The following CCDC198 variants were observed in gnomAD, a reference collection of about 807,000 sequenced individuals.
CCDC198 encodes coiled-coil domain containing 198, also known as factor associated with metabolism and energy.
A neutral mutation model predicts 35.6 loss-of-function variants in CCDC198; 18 were observed. The ratio of observed to expected loss-of-function variants is 0.51; its 90% CI spans 0.35 to 0.75. The LOEUF (loss-of-function observed/expected upper bound fraction) is 0.75. CCDC198 is among the 30% of genes least tolerant of loss of function. CCDC198 has a pLI of 0.01. For synonymous variants in CCDC198, 119 were observed against 113.4 expected (o/e 1.05, Z -0.31); for missense variants, 365 against 343.7 (o/e 1.06, Z -0.49).
chr14:57,472,686 AAG>A (rs1371189818), intron 5 of CCDC198, among the ~76,000 whole-genome samples: 4 of 152,198 alleles, frequency 2.6e-5, no homozygotes, highest in African/African-American at 9.7e-5. Context: ...TTTTTATTAA[AAG>A]AGACAATTTA....
In CCDC198 at chr14:57,477,246, A is replaced by C. The variant is rs554949091; in HGVS notation, c.655+3349T>G. Among the ~76,000 whole-genome samples the C allele has an allele frequency of 5.3e-5, 8 of 152,362 alleles. 1 individual carries two copies. The highest frequency in any genetic ancestry group is 1.9e-4 in the African/African-American group (8 of 41,586). On this transcript the variant is annotated intron_variant, in intron 5 of 5. Coordinates refer to ENST00000216445, the MANE Select transcript of CCDC198 (RefSeq NM_018168.4). ...GGCTGCACAGTGAACACTGCAGCAC[A>C]GAACAGAATGATATCCTTTGGAGGC... is the stretch of plus-strand genomic sequence containing the variant.
At chr14:57,485,260 G>A (rs1008699719) in intron 2 of CCDC198, among the ~76,000 whole-genome samples, 1 of 152,138 alleles carries the variant, frequency 6.6e-6, no homozygotes, top group East Asian at 1.9e-4. Flanking sequence ...TCATGGGCAA[G>A]GTCAGGAGTG....
At chr14:57,475,027 C>A (rs957508143) in intron 5 of CCDC198, among the ~76,000 whole-genome samples, 1 of 152,160 alleles carries the variant, frequency 6.6e-6, no homozygotes, top group Admixed American at 6.5e-5. Context: ...TTTGGGAGGC[C>A]GAGGCGGGCG....
intron 1 of CCDC198, among the ~76,000 whole-genome samples, chr14:57,492,424 A>T (rs1352779733): frequency 6.6e-6 from 1 of 152,046 alleles, no homozygotes; most frequent in Non-Finnish European, 1.5e-5. Flanking sequence ...GGTTTGGATA[A>T]AAAGGGAATT....
intron 3 of CCDC198, 27 bp downstream of exon 3, chr14:57,483,038 C>T: frequency 5.0e-6 from 8 of 1,613,858 alleles, no homozygotes; most frequent in South Asian, 2.2e-5. Flanking sequence ...CAGTTCACCT[C>T]CCTGTCAGGT....
chr14:57,474,984 G>A (rs1002233927), intron 5 of CCDC198, among the ~76,000 whole-genome samples: 4 of 152,146 alleles, frequency 2.6e-5, no homozygotes, highest in Non-Finnish European at 5.9e-5. Context: ...AAAACAGGCT[G>A]GGCACAGTGG....
At chr14:57,478,367 G>T (rs1446477288) in intron 5 of CCDC198, 1 of 737,660 alleles carries the variant, frequency 1.4e-6, no homozygotes, top group African/African-American at 1.9e-5. Flanking sequence ...GGGGCGAATA[G>T]TAGCTCCTAC....
chr14:57,491,066 T>C lies in CCDC198; in HGVS notation c.229A>G (p.Arg77Gly), dbSNP rs1422314071. 9 of 1,610,852 alleles carry C rather than the reference T, an allele frequency of 5.6e-6. No homozygotes were observed. The highest frequency in any genetic ancestry group is 2.7e-5 in the African/African-American group (2 of 74,810). ...AGTGGGATGTCAAAATACATGTCTC[T>C]GGATGCTTGAAGGATTGGGGAAGAA... ...NWYGRYSTAS[R>G]DMYFDIPLEH... The change falls in exon 2 of 6, where the codon AGA becomes GGA. Residue 77 changes from arginine to glycine, a missense_variant. Physicochemically the swap from Arg to Gly is moderately radical, Grantham distance 125 (BLOSUM62 -2). Coordinates refer to ENST00000216445, the MANE Select transcript of CCDC198 (RefSeq NM_018168.4).
chr14:57,473,437 C>T (rs1051713910), intron 5 of CCDC198, among the ~76,000 whole-genome samples: 8 of 152,180 alleles, frequency 5.3e-5, no homozygotes, highest in African/African-American at 1.9e-4. Flanking sequence ...CTAACTTTAC[C>T]CCATTGTCTG....
intron 1 of CCDC198, 40 bp from the exon 2 acceptor site, chr14:57,491,111 T>C: frequency 6.3e-7 from 1 of 1,582,600 alleles, no homozygotes; most frequent in Non-Finnish European, 8.6e-7. Flanking sequence ...AAACATTAAA[T>C]ATAATTTACT....
At chr14:57,474,920 G>GTT (rs1400563062) in intron 5 of CCDC198, among the ~76,000 whole-genome samples, 2 of 152,130 alleles carry the variant, frequency 1.3e-5, no homozygotes, top group African/African-American at 4.8e-5. Context: ...TCAGAAAAAT[G>GTT]TATCACTACT....
In CCDC198 at chr14:57,469,868, T is replaced by C. The variant is rs961395415; in HGVS notation, c.*1487A>G. The C allele has an allele frequency of 5.2e-4, 79 of 152,338 alleles. 1 individual carries two copies. Among genetic ancestry groups the C allele is most frequent in the Admixed American group, 5.1e-3 (78 of 15,296 alleles). The allele number at this position is 152,338 out of a possible 1,614,324, so 9.4% of individuals were successfully genotyped here. On this transcript the variant is annotated 3_prime_UTR_variant, in exon 6 of 6. Coordinates refer to ENST00000216445, the MANE Select transcript of CCDC198 (RefSeq NM_018168.4). ...GAAGTGGTGTTTTCCTCTATTTTTT[T>C]CTGTTTTTGGAGTCTTCCCATATAA...
chr14:57,487,023 C>A (rs1384461087), intron 2 of CCDC198, among the ~76,000 whole-genome samples: 3 of 152,094 alleles, frequency 2.0e-5, no homozygotes, highest in Admixed American at 6.6e-5. Context: ...AGAAGCACTG[C>A]AGAAAATTGT....
At chr14:57,476,148 A>AT (rs1433816605) in intron 5 of CCDC198, among the ~76,000 whole-genome samples, 1 of 152,032 alleles carries the variant, frequency 6.6e-6, no homozygotes, top group African/African-American at 2.4e-5. Flanking sequence ...ATACATGTTA[A>AT]TTTTTACATA....
intron 5 of CCDC198, chr14:57,475,661 C>A (rs758626285): frequency 7.5e-6 from 3 of 402,340 alleles, no homozygotes; most frequent in African/African-American, 6.7e-5. Flanking sequence ...GAGCCGAGAT[C>A]ATGCCATTGC....
chr14:57,480,561 G>C (rs1235859490), intron 5 of CCDC198, 34 bp downstream of exon 5: 1 of 1,604,244 alleles, frequency 6.2e-7, no homozygotes, highest in Admixed American at 1.7e-5. Flanking sequence ...AAAAACACTT[G>C]AAATGTTTTA....
chr14:57,481,383 A>G (rs534813223), intron 4 of CCDC198, among the ~76,000 whole-genome samples, 176 bp downstream of exon 4: 1 of 152,364 alleles, frequency 6.6e-6, no homozygotes, highest in South Asian at 2.1e-4. Flanking sequence ...CAACAAGGTT[A>G]TCAGCAGAAG....
intron 5 of CCDC198, among the ~76,000 whole-genome samples, chr14:57,476,005 G>A (rs1467915910): frequency 2.6e-5 from 4 of 151,630 alleles, no homozygotes; most frequent in African/African-American, 9.7e-5. Flanking sequence ...GTTTTGCCAT[G>A]TTGGCCAGGC....
chr14:57,486,404 T>C (rs966599162), intron 2 of CCDC198, among the ~76,000 whole-genome samples: 1 of 151,790 alleles, frequency 6.6e-6, no homozygotes, highest in Admixed American at 6.6e-5. Flanking sequence ...TGTGTCCAGC[T>C]CCAAATCTAA....
Sources: allele counts gnomAD v4.1 joint callset (sites outside exome capture counted in the v4.1 genomes callset), GRCh38; gene constraint gnomAD v4.1.1; transcripts MANE v1.5; gene names NCBI Gene and HGNC (gene_info 2026-07-23, HGNC 2026-07-21).